AUTS2: variants seen among roughly 807,000 people sequenced by gnomAD.
AUTS2 encodes the protein autism susceptibility gene 2 protein.
AUTS2 carries 17 observed loss-of-function variants against 112.4 expected under a neutral mutation model. The ratio of observed to expected loss-of-function variants is 0.15; its 90% CI spans 0.10 to 0.23. The LOEUF (loss-of-function observed/expected upper bound fraction) is 0.23, where lower values mean the gene tolerates loss of function less well. Ranked by LOEUF, AUTS2 falls within the 10% of genes least tolerant of loss-of-function variation. The pLI is 1.00. For synonymous variants in AUTS2, 751 were observed against 702.7 expected (o/e 1.07, Z -1.09); for missense variants, 1,510 against 1,701.6 (o/e 0.89, Z 1.98).
Position 70,665,355 on chromosome 7 carries a change from C to T in AUTS2, c.691-33214C>T, listed in dbSNP as rs374688844. Reference sequence around the variant, plus strand: ...CATGGCTCACTATAGCCTCAACCTCCTGGGCGTAAGTGATCCTCCCGCCTC... The same window carrying T: ...CATGGCTCACTATAGCCTCAACCTCTTGGGCGTAAGTGATCCTCCCGCCTC... On this transcript the variant is annotated intron_variant, in intron 5 of 18. Transcript: ENST00000342771. Among the ~76,000 whole-genome samples, 15 of 152,220 alleles carry T rather than the reference C, an allele frequency of 9.9e-5. 1 individual carries two copies. The East Asian group carries it at 2.1e-3, about 22-fold the overall frequency.
chr7:70,443,003 A>G lies in AUTS2; in HGVS notation c.690+7222A>G, dbSNP rs1377085234. ...TATGGTAAATTATTTTAAATTCAGA[A>G]TCTCATTATCTTTTTCATATGATAA... is the stretch of plus-strand genomic sequence containing the variant. On this transcript the variant is annotated intron_variant, in intron 5 of 18. Transcript: ENST00000342771. Among the ~76,000 whole-genome samples, 6 of 152,206 alleles carry G rather than the reference A, an allele frequency of 3.9e-5. No individual in the cohort carries two copies. The East Asian group carries it at 5.8e-4, about 15-fold the overall frequency.
intron 2 of AUTS2, among the ~76,000 whole-genome samples, chr7:70,041,790 A>G (rs534844578): frequency 3.3e-5 from 5 of 152,340 alleles, no homozygotes; most frequent in African/African-American, 9.6e-5. Context: ...AAAGGAATCT[A>G]GAAAACTTGT....
chr7:70,633,099 C>G (rs74762293), intron 5 of AUTS2, among the ~76,000 whole-genome samples: 11,458 of 152,224 alleles, frequency 0.075, 573 homozygotes, highest in East Asian at 0.2. Context: ...CAGTGACTGT[C>G]CGGGGGCCTT....
Position 70,790,807 on chromosome 7 carries a change from C to G in AUTS2, c.3591C>G (p.Ile1197Met). ...TCCCCAGCATGCACTATCCCCGCATCAGCCCCACCGCGGGCAACCAGAACG... is the reference window on the plus strand; with the variant it reads ...TCCCCAGCATGCACTATCCCCGCATGAGCCCCACCGCGGGCAACCAGAACG... Reference protein sequence around the residue: ...PGLPSMHYPRISPTAGNQNGL... With the variant: ...PGLPSMHYPRMSPTAGNQNGL... The change falls in exon 19 of 19, where the codon ATC becomes ATG. Residue 1197 changes from isoleucine (I) to methionine (M), a missense_variant. Ile to Met is a conservative substitution (Grantham distance 10). This residue lies in a region of AUTS2 where 788 missense variants were observed against 797.6 expected (regional missense o/e 0.99). Transcript: ENST00000342771. The surrounding 1 kb of genome is among the most constrained non-coding windows in gnomAD (Gnocchi z 7.6). The G allele has an allele frequency of 6.2e-7, 1 of 1,608,018 alleles. No homozygotes were observed. The highest frequency in any genetic ancestry group is 8.5e-7 in the Non-Finnish European group (1 of 1,176,224).
chr7:69,816,177 C>T (rs188198378), intron 1 of AUTS2, among the ~76,000 whole-genome samples: 84 of 152,298 alleles, frequency 5.5e-4, no homozygotes, highest in African/African-American at 1.9e-3. Context: ...AAGCTTTCCC[C>T]GTGGGAGACA....
intron 1 of AUTS2, among the ~76,000 whole-genome samples, chr7:69,665,456 G>T (rs1207204525): frequency 6.6e-6 from 1 of 152,174 alleles, no homozygotes; most frequent in Non-Finnish European, 1.5e-5. Context: ...TGTCCTTACA[G>T]GTTTAAAGCT....
At chr7:70,477,512 C>T (rs1199784120) in intron 5 of AUTS2, among the ~76,000 whole-genome samples, 1 of 152,156 alleles carries the variant, frequency 6.6e-6, no homozygotes, top group Non-Finnish European at 1.5e-5. Flanking sequence ...GGAACCTGGC[C>T]AGAGGCTGTG....
chr7:70,579,109 A>G (rs1322539826), intron 5 of AUTS2, among the ~76,000 whole-genome samples: 1 of 150,748 alleles, frequency 6.6e-6, no homozygotes, highest in African/African-American at 2.4e-5. Flanking sequence ...TTGTTTTTTT[A>G]GTAGAAACAG....
In AUTS2 at chr7:69,811,759, T is replaced by C. The variant is rs144225724; in HGVS notation, c.310-87527T>C. The stretch of plus-strand genomic sequence containing the variant: ...CATCGTTCATTCCCTGTTCCCCCAA[T>C]GCATGTTGTTTTGCTTCTATTATAG... On this transcript the variant is annotated intron_variant, in intron 1 of 18. Transcript: ENST00000342771. Among the ~76,000 whole-genome samples, 187 of 152,318 alleles carry C rather than the reference T, an allele frequency of 1.2e-3. 1 individual carries two copies. Among genetic ancestry groups the C allele is most frequent in the East Asian group, 0.012 (62 of 5,178 alleles).
intron 5 of AUTS2, among the ~76,000 whole-genome samples, chr7:70,667,675 G>A (rs1807416230): frequency 6.6e-6 from 1 of 152,204 alleles, no homozygotes; most frequent in African/African-American, 2.4e-5. Flanking sequence ...CTAACTCAGG[G>A]AAATTCTGCT....
intron 5 of AUTS2, among the ~76,000 whole-genome samples, chr7:70,649,992 C>T (rs559058105): frequency 6.6e-6 from 1 of 152,144 alleles, no homozygotes; most frequent in Non-Finnish European, 1.5e-5. Context: ...GGCAGGGGGG[C>T]GGGTGTGAGT....
At chr7:70,664,071 A>C (rs1252586089) in intron 5 of AUTS2, among the ~76,000 whole-genome samples, 1 of 152,260 alleles carries the variant, frequency 6.6e-6, no homozygotes, top group Non-Finnish European at 1.5e-5. Flanking sequence ...CAAGATGGAC[A>C]GAATGACATT....
chr7:70,043,878 G>A (rs1468100748), intron 2 of AUTS2, among the ~76,000 whole-genome samples: 1 of 151,830 alleles, frequency 6.6e-6, no homozygotes, highest in African/African-American at 2.4e-5. Flanking sequence ...CAAAGTGCTG[G>A]GATTACAGGC....
intron 6 of AUTS2, among the ~76,000 whole-genome samples, chr7:70,730,475 C>T (rs564023559): frequency 6.6e-5 from 10 of 152,274 alleles, no homozygotes; most frequent in East Asian, 1.9e-4. Flanking sequence ...TGGCTTTGCC[C>T]GTTCCTGGGC....
chr7:70,281,316 G>C (rs939904365), intron 4 of AUTS2, among the ~76,000 whole-genome samples: 5 of 152,318 alleles, frequency 3.3e-5, no homozygotes, highest in Non-Finnish European at 4.4e-5. Flanking sequence ...AGCCTCATCT[G>C]TGCTTTACCT....
At chr7:69,747,674 G>A (rs1379646601) in intron 1 of AUTS2, among the ~76,000 whole-genome samples, 2 of 151,968 alleles carry the variant, frequency 1.3e-5, no homozygotes, top group Non-Finnish European at 2.9e-5. Context: ...TGCCACCACC[G>A]CATGAGCTGC....
chr7:70,272,708 T>C (rs1787751809), intron 4 of AUTS2, among the ~76,000 whole-genome samples: 1 of 151,734 alleles, frequency 6.6e-6, no homozygotes, highest in Admixed American at 6.6e-5. Flanking sequence ...ACATCTATAG[T>C]ACTTCTGGCA....
At chr7:70,165,496 T>A (rs1808334129) in intron 4 of AUTS2, among the ~76,000 whole-genome samples, 1 of 152,120 alleles carries the variant, frequency 6.6e-6, no homozygotes, top group Non-Finnish European at 1.5e-5. Context: ...AGAGTTGGAG[T>A]GACATCTTTA....
At chr7:70,757,212 C>T (rs1448178121) in intron 6 of AUTS2, among the ~76,000 whole-genome samples, 1 of 152,160 alleles carries the variant, frequency 6.6e-6, no homozygotes, top group African/African-American at 2.4e-5. Context: ...TAGGTTCATT[C>T]CCAGGTGTTA....
Sources: allele counts gnomAD v4.1 joint callset (sites outside exome capture counted in the v4.1 genomes callset), GRCh38; gene constraint gnomAD v4.1.1; regional missense constraint gnomAD v4.1.1; non-coding constraint Gnocchi (gnomAD v3.1); transcripts MANE v1.5; gene names NCBI Gene and HGNC (gene_info 2026-07-23, HGNC 2026-07-21).